ROBO2: variants seen among roughly 807,000 people sequenced by gnomAD.
ROBO2 encodes roundabout guidance receptor 2.
Under a neutral mutation model 160.8 loss-of-function variants are expected in ROBO2, and 53 were observed. The ratio of observed to expected loss-of-function variants is 0.33; its 90% CI spans 0.26 to 0.41. The LOEUF (loss-of-function observed/expected upper bound fraction) is 0.41. ROBO2 is among the 10% of genes least tolerant of loss of function. The pLI, the probability that ROBO2 is intolerant of heterozygous loss-of-function variation, is 1.00. For synonymous variants in ROBO2, 664 were observed against 611.7 expected, an observed-to-expected ratio of 1.09 and a Z score of -1.26; for missense variants, 1,577 against 1,722.4, an observed-to-expected ratio of 0.92 and a Z score of 1.49.
At chr3:76,067,416 C>T (rs1191935426) in intron 2 of ROBO2, among the ~76,000 whole-genome samples, 1 of 151,920 alleles carries the variant, frequency 6.6e-6, no homozygotes, top group Admixed American at 6.6e-5. Flanking sequence ...GATTGGCAAC[C>T]AAATTTAGTC....
chr3:76,310,167 C>T (rs1354682721), intron 2 of ROBO2, among the ~76,000 whole-genome samples: 5 of 152,172 alleles, frequency 3.3e-5, no homozygotes, highest in African/African-American at 1.2e-4. Context: ...CCCACGTCAT[C>T]TTCATCCAGG....
At chr3:76,185,215 T>TATATATATATATATACACAC in intron 2 of ROBO2, among the ~76,000 whole-genome samples, 31 of 90,290 alleles carry the variant, frequency 3.4e-4, no homozygotes, top group South Asian at 8.1e-4. Context: ...TATATATATA[T>TATATATATATATATACACAC]ACACACACAA....
chr3:76,352,498 G>A (rs2074936414), intron 2 of ROBO2, among the ~76,000 whole-genome samples: 1 of 151,980 alleles, frequency 6.6e-6, no homozygotes, highest in South Asian at 2.1e-4. Context: ...ATTATGTGGA[G>A]CTACTTATAA....
chr3:76,739,236 TC>T (rs1464940806), intron 2 of ROBO2, among the ~76,000 whole-genome samples: 2 of 152,190 alleles, frequency 1.3e-5, no homozygotes, highest in East Asian at 3.9e-4. Flanking sequence ...AACCCAAATG[TC>T]CAACAATGAT....
chr3:77,401,433 A>C (rs2075789521), intron 2 of ROBO2, among the ~76,000 whole-genome samples: 1 of 152,150 alleles, frequency 6.6e-6, no homozygotes, highest in Admixed American at 6.6e-5. Flanking sequence ...CATATACGCT[A>C]GATGCAACTC....
At chr3:76,763,292 G>T (rs1240557488) in intron 2 of ROBO2, among the ~76,000 whole-genome samples, 3 of 151,604 alleles carry the variant, frequency 2.0e-5, no homozygotes, top group Admixed American at 6.6e-5. Flanking sequence ...ATGTTGTGAG[G>T]CTCAAAGTGA....
chr3:77,027,493 T>C (rs2063040918), intron 2 of ROBO2, among the ~76,000 whole-genome samples: 1 of 152,110 alleles, frequency 6.6e-6, no homozygotes, highest in African/African-American at 2.4e-5. Flanking sequence ...CAAAAGTAAA[T>C]TGGGCAATCA....
At chr3:77,124,868 T>G (rs950090515) in intron 2 of ROBO2, among the ~76,000 whole-genome samples, 2 of 151,990 alleles carry the variant, frequency 1.3e-5, no homozygotes, top group African/African-American at 4.8e-5. Flanking sequence ...CTCTTCTTAC[T>G]CTCTATCTTT....
intron 2 of ROBO2, among the ~76,000 whole-genome samples, chr3:76,772,868 GAATTGGAGC>G (rs1166120577): frequency 6.6e-6 from 1 of 151,122 alleles, no homozygotes; most frequent in East Asian, 2.0e-4. Context: ...AAAGAAATTT[GAATTGGAGC>G]AGTAATGGAA....
intron 2 of ROBO2, among the ~76,000 whole-genome samples, chr3:76,688,279 G>A (rs1215883852): frequency 2.6e-5 from 4 of 152,010 alleles, no homozygotes; most frequent in Admixed American, 6.6e-5. Flanking sequence ...TTGTTCAATT[G>A]TGATCAATTG....
intron 2 of ROBO2, among the ~76,000 whole-genome samples, chr3:76,546,979 T>G (rs551663531): frequency 8.2e-4 from 124 of 152,084 alleles, no homozygotes; most frequent in Non-Finnish European, 1.7e-3. Context: ...ACCCCATATT[T>G]AAGCAATCCA....
intron 2 of ROBO2, among the ~76,000 whole-genome samples, chr3:77,136,790 C>A (rs2150392549): frequency 6.6e-6 from 1 of 151,946 alleles, no homozygotes; most frequent in East Asian, 2.0e-4. Context: ...GTGCATGCCA[C>A]CATGCCCAGC....
chr3:75,986,467 T>C (rs2107481765), intron 2 of ROBO2, among the ~76,000 whole-genome samples: 1 of 151,738 alleles, frequency 6.6e-6, no homozygotes, highest in Non-Finnish European at 1.5e-5. Context: ...CAAACATCAT[T>C]TGCAAATTTT....
chr3:76,139,228 G>A (rs1191028673), intron 2 of ROBO2, among the ~76,000 whole-genome samples: 2 of 152,028 alleles, frequency 1.3e-5, no homozygotes, highest in African/African-American at 4.8e-5. Context: ...ATGCTTGACT[G>A]TAATATGCTT....
At chr3:76,177,109 A>G (rs1429275022) in intron 2 of ROBO2, among the ~76,000 whole-genome samples, 1 of 152,164 alleles carries the variant, frequency 6.6e-6, no homozygotes, top group East Asian at 1.9e-4. Context: ...ACTAGTGTGT[A>G]CTTCTCGTTA....
intron 2 of ROBO2, among the ~76,000 whole-genome samples, chr3:76,068,138 C>A (rs1405238748): frequency 1.3e-5 from 2 of 152,096 alleles, no homozygotes. Context: ...AGAAGACAAG[C>A]CATGCAGGAT....
At chr3:77,605,660 G>A (rs997072146) in intron 20 of ROBO2, among the ~76,000 whole-genome samples, 1 of 152,216 alleles carries the variant, frequency 6.6e-6, no homozygotes, top group Non-Finnish European at 1.5e-5. Context: ...AGAATTCAGG[G>A]CTCTGGAAGT....
At chr3:77,566,102 G>A (rs1163525239) in intron 12 of ROBO2, among the ~76,000 whole-genome samples, 1 of 152,066 alleles carries the variant, frequency 6.6e-6, no homozygotes, top group Non-Finnish European at 1.5e-5. Flanking sequence ...GCACCATACA[G>A]CCATAAAATA....
intron 2 of ROBO2, among the ~76,000 whole-genome samples, chr3:76,785,640 G>A (rs932546240): frequency 7.3e-5 from 11 of 150,968 alleles, no homozygotes; most frequent in African/African-American, 2.4e-4. Context: ...AACTTAGACC[G>A]AGACTCACCT....
Sources: allele counts gnomAD v4.1 joint callset (sites outside exome capture counted in the v4.1 genomes callset), GRCh38; gene constraint gnomAD v4.1.1; transcripts MANE v1.5; gene names NCBI Gene and HGNC (gene_info 2026-07-23, HGNC 2026-07-21).